GSDMC: variants seen among roughly 807,000 people sequenced by gnomAD.
GSDMC encodes the protein gasdermin-C.
GSDMC carries 59 observed loss-of-function variants against 58.0 expected under a neutral mutation model. That is an observed-to-expected ratio of 1.02 (90% confidence interval 0.82 to 1.26). The LOEUF is 1.26. Among genes scored for constraint, GSDMC ranks in the 50% most tolerant of loss-of-function variants. The pLI, the probability that GSDMC is intolerant of heterozygous loss-of-function variation, is 0.00. For missense variants in GSDMC, 659 were observed against 598.5 expected, an observed-to-expected ratio of 1.10 and a Z score of -1.06; for synonymous variants, 241 against 220.2, an observed-to-expected ratio of 1.09 and a Z score of -0.83.
At chr8:129,721,579 A>G in the GSDMC span, among the ~76,000 whole-genome samples, 3 of 143,308 alleles carry the variant, frequency 2.1e-5, no homozygotes, top group Non-Finnish European at 3.0e-5. Context: ...TAGAAATTCC[A>G]ACTCAAATTA....
At chr8:129,756,916 G>A (rs572825195) in intron 6 of GSDMC, among the ~76,000 whole-genome samples, 2 of 151,964 alleles carry the variant, frequency 1.3e-5, no homozygotes, top group South Asian at 4.2e-4. Context: ...AGTACAAAGA[G>A]GCATATTTAT....
intron 13 of GSDMC, among the ~76,000 whole-genome samples, chr8:129,748,944 G>A (rs1321426557): frequency 6.8e-6 from 1 of 147,440 alleles, no homozygotes; most frequent in Non-Finnish European, 1.5e-5. Context: ...CCACATCTAT[G>A]AAATGGTGAA....
chr8:129,751,644 G>A (rs2033196748), intron 9 of GSDMC, 76 bp from the exon 10 acceptor site: 2 of 1,352,426 alleles, frequency 1.5e-6, no homozygotes, highest in East Asian at 2.3e-5. Flanking sequence ...GGAGGGTTCT[G>A]CTCTCCTACC....
Position 129,753,036 on chromosome 8 carries a change from A to T in GSDMC, c.722-216T>A. ...GCAAATGCCAGCCAAAGAGCTCTGG[A>T]GTCCTAGGTAAACTTAAAGGTCAGT... On this transcript the variant is annotated intron_variant, in intron 6 of 13. Transcript: ENST00000276708. 3.6e-6 allele frequency: 3 copies of T among 827,510 alleles called. No individual in the cohort carries two copies. In the South Asian group the frequency reaches 5.5e-5, roughly 15 times the overall value. 51.3% of individuals were successfully genotyped at this position (827,510 alleles called of 1,614,324 possible).
At chr8:129,709,672 A>G in the GSDMC span, among the ~76,000 whole-genome samples, 1 of 152,158 alleles carries the variant, frequency 6.6e-6, no homozygotes, top group Non-Finnish European at 1.5e-5. Context: ...CCACACTTCC[A>G]TCATGGCCTG....
rs1420288016 is a variant in GSDMC, at chr8:129,751,560, C to G, written c.925G>C (p.Glu309Gln). 6.2e-7 allele frequency: 1 copy of G among 1,612,458 alleles called. No homozygotes were observed. The highest frequency in any genetic ancestry group is 8.5e-7 in the Non-Finnish European group (1 of 1,178,958). Reference sequence around the variant, plus strand: ...TACTTACTTTGCCAGAAGGGTTCCTCTATTCTTCCTAGAAGGAGAATCAAG... The same window carrying G: ...TACTTACTTTGCCAGAAGGGTTCCTGTATTCTTCCTAGAAGGAGAATCAAG... Reference protein sequence around the residue: ...QVHILPVGRIEEPFWQNFKHL... With the variant: ...QVHILPVGRIQEPFWQNFKHL... The change falls in exon 10 of 14, where the codon GAG (glutamate) becomes CAG (glutamine). Residue 309 changes from glutamate (E) to glutamine (Q), a missense_variant. Coordinates refer to ENST00000276708, the MANE Select transcript of GSDMC (RefSeq NM_031415.3).
intron 5 of GSDMC, among the ~76,000 whole-genome samples, chr8:129,761,555 T>C (rs2033661639): frequency 6.6e-6 from 1 of 152,218 alleles, no homozygotes; most frequent in Non-Finnish European, 1.5e-5. Flanking sequence ...TTCTTTTATC[T>C]GACCACATCA....
chr8:129,764,318 TG>T (rs567748267), intron 4 of GSDMC, among the ~76,000 whole-genome samples: 109 of 152,294 alleles, frequency 7.2e-4, no homozygotes, highest in South Asian at 3.5e-3. Context: ...CTCCAGTGGT[TG>T]GGGTTTTTTT....
the GSDMC span, among the ~76,000 whole-genome samples, chr8:129,706,147 A>G: frequency 1.3e-5 from 2 of 152,208 alleles, no homozygotes; most frequent in Non-Finnish European, 2.9e-5. Flanking sequence ...GCTCAGGTGT[A>G]GAGGAATTGA....
the GSDMC span, among the ~76,000 whole-genome samples, chr8:129,737,646 T>C: frequency 1.2e-4 from 19 of 152,198 alleles, no homozygotes; most frequent in Non-Finnish European, 2.4e-4. Flanking sequence ...CCTTCCACCT[T>C]ATACAAACAT....
rs754298748 is a variant in GSDMC at position 129,777,469 on chromosome 8, C to T, written c.119G>A (p.Arg40Gln). Residue 40 changes from arginine (R) to glutamine (Q), a missense_variant, in exon 2 of 14, where the codon CGA (arginine) becomes CAA (glutamine). Coordinates refer to ENST00000276708, the MANE Select transcript of GSDMC (RefSeq NM_031415.3). ...ATKLRQFVILRKKKDSRSSFW... is the reference protein window; with the variant it reads ...ATKLRQFVILQKKKDSRSSFW... ...TGATGAACGAGAATCCTTCTTCTTT[C>T]GTAATATAACAAACTGACGTAATTT... 2.4e-5 allele frequency: 38 copies of T among 1,612,428 alleles called. No individual in the cohort carries two copies. The highest frequency in any genetic ancestry group is 6.7e-5 in the East Asian group (3 of 44,878).
the GSDMC span, among the ~76,000 whole-genome samples, chr8:129,741,496 T>C: frequency 0.32 from 49,305 of 151,992 alleles, 11,585 homozygotes; most frequent in African/African-American, 0.65. Flanking sequence ...CTAATTTATT[T>C]GTGTCTTCTT....
chr8:129,751,041 A>T (rs2033168782), intron 10 of GSDMC, among the ~76,000 whole-genome samples: 1 of 152,098 alleles, frequency 6.6e-6, no homozygotes, highest in African/African-American at 2.4e-5. Context: ...GGAGGCTGAC[A>T]TGGGGGGATT....
At chr8:129,781,621 T>A (rs1044371906) in intron 1 of GSDMC, among the ~76,000 whole-genome samples, 51 of 152,172 alleles carry the variant, frequency 3.4e-4, no homozygotes, top group African/African-American at 1.1e-3. Context: ...GGTGGGCACC[T>A]GTAGTCCCAG....
intron 5 of GSDMC, among the ~76,000 whole-genome samples, chr8:129,761,682 G>A (rs1254644404): frequency 1.3e-5 from 2 of 152,088 alleles, no homozygotes; most frequent in African/African-American, 4.8e-5. Context: ...ACCATCTCCT[G>A]TTGCCCTCAG....
the GSDMC span, among the ~76,000 whole-genome samples, chr8:129,717,909 A>T: frequency 7.2e-5 from 11 of 152,256 alleles, no homozygotes; most frequent in Admixed American, 1.3e-4. Flanking sequence ...CCTGACAAAA[A>T]CAAGCAATAG....
At chr8:129,732,421 T>C in the GSDMC span, among the ~76,000 whole-genome samples, 6 of 151,788 alleles carry the variant, frequency 4.0e-5, no homozygotes, top group African/African-American at 1.5e-4. Context: ...AATACTATTA[T>C]AGGGAAATAA....
At chr8:129,725,111 T>C in the GSDMC span, among the ~76,000 whole-genome samples, 12 of 152,214 alleles carry the variant, frequency 7.9e-5, 1 homozygote, top group African/African-American at 2.7e-4. Flanking sequence ...AGGAAGACCA[T>C]GGGGCCACCA....
intron 9 of GSDMC, 33 bp downstream of exon 9, chr8:129,751,828 TC>T: frequency 6.3e-7 from 1 of 1,576,984 alleles, no homozygotes; most frequent in Non-Finnish European, 8.7e-7. Flanking sequence ...CAGGATGGGA[TC>T]CCCACCCCCA....
Sources: gnomAD v4.1 joint callset for allele counts (sites outside exome capture counted in the v4.1 genomes callset) on GRCh38, gnomAD v4.1.1 for gene constraint, MANE v1.5 for transcripts, NCBI Gene and HGNC (gene_info 2026-07-23, HGNC 2026-07-21) for gene names.